Variants in MAP3K15 observed in about 807,000 individuals in gnomAD.
The protein encoded by MAP3K15 is MAPK/ERK kinase kinase 15.
Under a neutral mutation model 99.5 loss-of-function variants are expected in MAP3K15, and 124 were observed. The ratio of observed to expected loss-of-function variants is 1.25; its 90% CI spans 1.08 to 1.45. The LOEUF (loss-of-function observed/expected upper bound fraction) is 1.45, where lower values mean the gene tolerates loss of function less well. Among genes scored for constraint, MAP3K15 ranks in the 40% most tolerant of loss-of-function variants. MAP3K15 has a pLI of 0.00. For synonymous variants in MAP3K15, 494 were observed against 439.6 expected (o/e 1.12, Z -1.55); for missense variants, 1,242 against 1,079.7 (o/e 1.15, Z -2.11).
At chrX:19,467,092 A>G (rs2064174306) in intron 3 of MAP3K15, among the ~76,000 whole-genome samples, 1 of 111,865 alleles carries the variant, frequency 8.9e-6, no homozygotes, top group African/African-American at 3.3e-5. Flanking sequence ...AGCAAAGCCA[A>G]AAGACTGAAC....
chrX:19,476,149 TACAA>T (rs1385227774), intron 3 of MAP3K15, among the ~76,000 whole-genome samples: 7 of 112,245 alleles, frequency 6.2e-5, no homozygotes, highest in African/African-American at 2.3e-4. Flanking sequence ...TTTATAATGA[TACAA>T]ACATTTAATC....
chrX:19,371,078 A>T lies in MAP3K15; in HGVS notation c.3295-14T>A, dbSNP rs73193525. The stretch of plus-strand genomic sequence containing the variant: ...AATTTTATTTACCTAAAAAAAAAAA[A>T]AATAATAAAATAAACTAAAATCACA... On this transcript the variant is annotated splice_polypyrimidine_tract_variant and intron_variant, in intron 23 of 28. Coordinates refer to ENST00000338883, the MANE Select transcript of MAP3K15 (RefSeq NM_001001671.4). The T allele has an allele frequency of 0.042, 44,622 of 1,067,907 alleles. 735 individuals are homozygous for T. The highest frequency in any genetic ancestry group is 0.046 in the Non-Finnish European group (37,451 of 806,247). 88.0% of individuals were successfully genotyped at this position (1,067,907 alleles called of 1,213,427 possible).
chrX:19,504,391 A>G (rs2064461189), intron 1 of MAP3K15, among the ~76,000 whole-genome samples: 1 of 110,738 alleles, frequency 9.0e-6, no homozygotes, highest in Non-Finnish European at 1.9e-5. Context: ...CGCACTGGCC[A>G]GTACTAGTCA....
In MAP3K15 at chrX:19,392,339, G is replaced by GT; in HGVS notation, c.2325+3dup. ...CAACCTCGTCAGCTTAAAAAAGCAA[G>GT]TACCTTTATGTCTCTGTGCACGATC... On this transcript the variant is annotated splice_donor_region_variant and intron_variant, in intron 17 of 28. Transcript: ENST00000338883. 4 of 1,202,402 alleles carry GT rather than the reference G, an allele frequency of 3.3e-6. No individual in the cohort carries two copies. Among genetic ancestry groups the GT allele is most frequent in the Non-Finnish European group, 4.5e-6 (4 of 891,809 alleles).
Position 19,399,738 on chromosome X carries a change from C to CAAAAAAA in MAP3K15, c.1932+837_1932+838insTTTTTTT, listed in dbSNP as rs1569210940. ...TCAGCAACAGCGTGAGACTCTGTTT[C>CAAAAAAA]CAAAAAAAAAAAAAAAAAAAAAAAA... On this transcript the variant is annotated intron_variant, in intron 14 of 28. Transcript: ENST00000338883. Among the ~76,000 whole-genome samples, 22 of 42,824 alleles carry CAAAAAAA rather than the reference C, an allele frequency of 5.1e-4. 1 individual carries two copies. Among genetic ancestry groups the CAAAAAAA allele is most frequent in the African/African-American group, 2.9e-3 (20 of 6,921 alleles). 37.2% of individuals were successfully genotyped at this position (42,824 alleles called of 115,157 possible).
intron 25 of MAP3K15, among the ~76,000 whole-genome samples, 157 bp downstream of exon 25, chrX:19,368,897 G>A (rs767642762): frequency 1.6e-4 from 17 of 107,268 alleles, no homozygotes; most frequent in South Asian, 8.7e-4. Context: ...AATTGAGGCT[G>A]AGAATATGCG....
At chrX:19,443,277 C>T (rs1195553794) in intron 6 of MAP3K15, among the ~76,000 whole-genome samples, 1 of 109,979 alleles carries the variant, frequency 9.1e-6, no homozygotes, top group African/African-American at 3.3e-5. Context: ...AAGTGATCTG[C>T]CTGCCTCGAC....
chrX:19,474,316 T>C (rs1229610895), intron 3 of MAP3K15, among the ~76,000 whole-genome samples: 2 of 111,119 alleles, frequency 1.8e-5, no homozygotes, highest in African/African-American at 3.3e-5. Flanking sequence ...GGGCCAAGGA[T>C]TGAATTCCAG....
intron 1 of MAP3K15, among the ~76,000 whole-genome samples, chrX:19,501,058 C>G (rs1205047526): frequency 9.0e-6 from 1 of 111,354 alleles, no homozygotes; most frequent in African/African-American, 3.3e-5. Context: ...AGCATGGAAA[C>G]GAAGGAAGCT....
intron 1 of MAP3K15, among the ~76,000 whole-genome samples, chrX:19,502,691 C>G (rs1419524219): frequency 9.0e-6 from 1 of 111,382 alleles, no homozygotes; most frequent in African/African-American, 3.3e-5. Context: ...ATTGGTGGCT[C>G]ATGCCTGTAA....
chrX:19,425,163 G>T (rs906380400), intron 9 of MAP3K15, among the ~76,000 whole-genome samples: 36 of 111,512 alleles, frequency 3.2e-4, no homozygotes, highest in Admixed American at 9.6e-4. Flanking sequence ...TGTTCTTTTA[G>T]TTCCAGTTTT....
intron 10 of MAP3K15, among the ~76,000 whole-genome samples, chrX:19,414,649 C>T (rs538296314): frequency 8.9e-6 from 1 of 112,489 alleles, no homozygotes; most frequent in Non-Finnish European, 1.9e-5. Flanking sequence ...GGAAACCACG[C>T]TGAATTCCAA....
At chrX:19,419,014 GC>G (rs2063760811) in intron 9 of MAP3K15, among the ~76,000 whole-genome samples, 1 of 111,772 alleles carries the variant, frequency 8.9e-6, no homozygotes, top group Non-Finnish European at 1.9e-5. Context: ...CACCAGGCCT[GC>G]CCTAAAAGAG....
chrX:19,472,000 A>T (rs1028430417), intron 3 of MAP3K15, among the ~76,000 whole-genome samples: 6 of 111,348 alleles, frequency 5.4e-5, no homozygotes, highest in Admixed American at 9.6e-5. Context: ...AGGTGGGTGG[A>T]TCACGAGGCC....
At chrX:19,434,938 A>G (rs1347373441) in intron 6 of MAP3K15, among the ~76,000 whole-genome samples, 1 of 112,074 alleles carries the variant, frequency 8.9e-6, no homozygotes, top group Non-Finnish European at 1.9e-5. Context: ...CTGTTCTAAC[A>G]TATTTTATCT....
At chrX:19,390,801 T>C (rs972542189) in intron 18 of MAP3K15, among the ~76,000 whole-genome samples, 29 of 106,967 alleles carry the variant, frequency 2.7e-4, no homozygotes, top group African/African-American at 9.0e-4. Context: ...TTTAAAGTGC[T>C]GGGATTACAG....
intron 11 of MAP3K15, among the ~76,000 whole-genome samples, chrX:19,410,661 T>C (rs1363535532): frequency 3.6e-5 from 4 of 111,699 alleles, no homozygotes; most frequent in African/African-American, 1.3e-4. Flanking sequence ...TGGGGGCTGT[T>C]TGTTTTAGAA....
chrX:19,442,792 G>A (rs1243417308), intron 6 of MAP3K15, among the ~76,000 whole-genome samples: 1 of 102,731 alleles, frequency 9.7e-6, no homozygotes, highest in African/African-American at 3.5e-5. Context: ...ACACAATCTC[G>A]GCTCACTGCA....
intron 1 of MAP3K15, among the ~76,000 whole-genome samples, chrX:19,510,053 C>T (rs112284058): frequency 0.017 from 1,920 of 111,432 alleles, 54 homozygotes; most frequent in African/African-American, 0.058. Context: ...AGGAAGAAGT[C>T]AAATCCCTGA....
Sources: allele counts gnomAD v4.1 joint callset (sites outside exome capture counted in the v4.1 genomes callset), GRCh38; gene constraint gnomAD v4.1.1; transcripts MANE v1.5; gene names NCBI Gene and HGNC (gene_info 2026-07-23, HGNC 2026-07-21).